Variants in DGKI observed in about 807,000 individuals in gnomAD.
DGKI encodes the protein diacylglycerol kinase iota.
DGKI carries 55 observed loss-of-function variants against 147.5 expected under a neutral mutation model. The ratio of observed to expected loss-of-function variants is 0.37; its 90% CI spans 0.30 to 0.47. The LOEUF is 0.47. Among genes scored for constraint, DGKI ranks in the 20% least tolerant of loss-of-function variants. The probability of loss-of-function intolerance (pLI) is 1.00; values close to 1 mark genes in which losing one functional copy is unlikely to be tolerated. For missense variants in DGKI, 1,007 were observed against 1,323.8 expected (o/e 0.76, Z 3.71); for synonymous variants, 469 against 477.1 (o/e 0.98, Z 0.22).
At chr7:137,638,642 G>GTATATATGTGTATATATACACATATA (rs1563126073) in intron 6 of DGKI, among the ~76,000 whole-genome samples, 1 of 3,332 alleles carries the variant, frequency 3.0e-4, no homozygotes, top group East Asian at 0.029. Flanking sequence ...GTGTATATAT[G>GTATATATGTGTATATATACACATATA]TGTATGTATA....
In DGKI at chr7:137,382,354, A is replaced by G. The variant is rs1811080072; in HGVS notation, c.*8866T>C. On this transcript the variant is annotated 3_prime_UTR_variant, in exon 33 of 33. Transcript: ENST00000614521. ...CCCTAAATATTCCTTATTTTTTTCA[A>G]ACTTTATCAGGGACCAGAACAAGTT... is the stretch of plus-strand genomic sequence containing the variant. The G allele has an allele frequency of 6.6e-6, 1 of 152,184 alleles. No homozygotes were observed. The highest frequency in any genetic ancestry group is 2.1e-4 in the South Asian group (1 of 4,826). The allele number at this position is 152,184 out of a possible 1,614,324, so 9.4% of individuals were successfully genotyped here. A position where few individuals can be genotyped will look rare whatever the true frequency, so the allele number is the denominator to read the frequency against.
At chr7:137,786,170 G>A (rs1353229390) in intron 1 of DGKI, among the ~76,000 whole-genome samples, 11 of 152,126 alleles carry the variant, frequency 7.2e-5, no homozygotes, top group Non-Finnish European at 1.6e-4. Context: ...TTGGTAAAGA[G>A]GAAGTCAAAC....
chr7:137,698,119 T>G (rs1181401146), intron 1 of DGKI, among the ~76,000 whole-genome samples: 4 of 150,334 alleles, frequency 2.7e-5, no homozygotes, highest in African/African-American at 9.8e-5. Context: ...CAGATATATA[T>G]AGATATAGAT....
chr7:137,837,733 C>T (rs1173413445), intron 1 of DGKI, among the ~76,000 whole-genome samples: 1 of 152,192 alleles, frequency 6.6e-6, no homozygotes, highest in South Asian at 2.1e-4. Flanking sequence ...TGATCTCAGA[C>T]TTCCAACCTC....
intron 1 of DGKI, among the ~76,000 whole-genome samples, chr7:137,832,624 G>A (rs1436650824): frequency 6.6e-6 from 1 of 152,224 alleles, no homozygotes; most frequent in East Asian, 1.9e-4. Flanking sequence ...CCTGTGATAG[G>A]AGGGACAGCC....
At chr7:137,650,927 G>A (rs1822003516) in intron 5 of DGKI, among the ~76,000 whole-genome samples, 1 of 152,286 alleles carries the variant, frequency 6.6e-6, no homozygotes, top group African/African-American at 2.4e-5. Flanking sequence ...CAAAGGTGGG[G>A]AATATCTTGG....
At chr7:137,460,484 T>C (rs898216343) in intron 27 of DGKI, among the ~76,000 whole-genome samples, 8 of 152,208 alleles carry the variant, frequency 5.3e-5, no homozygotes, top group African/African-American at 4.8e-5. Context: ...ATATGCATTA[T>C]ATAACACAGG....
intron 10 of DGKI, among the ~76,000 whole-genome samples, chr7:137,605,790 T>C (rs909245494): frequency 6.6e-6 from 1 of 152,142 alleles, no homozygotes; most frequent in African/African-American, 2.4e-5. Flanking sequence ...AGTAGAATGA[T>C]AGTTACCAAA....
At chr7:137,666,195 G>A (rs1159937719) in intron 3 of DGKI, among the ~76,000 whole-genome samples, 3 of 152,182 alleles carry the variant, frequency 2.0e-5, no homozygotes, top group African/African-American at 7.2e-5. Context: ...TTATGTTAGT[G>A]GATTTAATAC....
At chr7:137,622,307 T>C (rs1370938746) in intron 7 of DGKI, among the ~76,000 whole-genome samples, 2 of 152,232 alleles carry the variant, frequency 1.3e-5, no homozygotes, top group Non-Finnish European at 2.9e-5. Context: ...TCCAGCCCCA[T>C]GGCCTGTGTG....
At chr7:137,746,953 A>C (rs1476376607) in intron 1 of DGKI, among the ~76,000 whole-genome samples, 4 of 152,180 alleles carry the variant, frequency 2.6e-5, no homozygotes, top group African/African-American at 4.8e-5. Flanking sequence ...AGAATGGGGA[A>C]ACCTAAAAGA....
chr7:137,699,415 T>A (rs997443136), intron 1 of DGKI, among the ~76,000 whole-genome samples: 4 of 152,242 alleles, frequency 2.6e-5, no homozygotes, highest in Admixed American at 6.5e-5. Context: ...TGGAAATGCC[T>A]CCTTTGTCTC....
chr7:137,834,124 C>T (rs1209623587), intron 1 of DGKI, among the ~76,000 whole-genome samples: 1 of 152,178 alleles, frequency 6.6e-6, no homozygotes, highest in Admixed American at 6.5e-5. Context: ...AAGCACTTCA[C>T]AGTTCTTGGC....
intron 1 of DGKI, among the ~76,000 whole-genome samples, chr7:137,832,581 C>T (rs1479106384): frequency 6.6e-6 from 1 of 152,242 alleles, no homozygotes; most frequent in Non-Finnish European, 1.5e-5. Context: ...GGGCTCAGCC[C>T]ATGAAACCAT....
intron 21 of DGKI, among the ~76,000 whole-genome samples, chr7:137,506,559 A>G (rs1816374915): frequency 6.6e-6 from 1 of 152,212 alleles, no homozygotes; most frequent in South Asian, 2.1e-4. Flanking sequence ...CCATAGAATT[A>G]TATGGCAAAA....
intron 6 of DGKI, among the ~76,000 whole-genome samples, chr7:137,641,725 T>C (rs1821633788): frequency 6.6e-6 from 1 of 152,252 alleles, no homozygotes; most frequent in Non-Finnish European, 1.5e-5. Flanking sequence ...TATACTGCAT[T>C]TAAAACTGGC....
Position 137,778,799 on chromosome 7 carries a change from T to C in DGKI, c.401+67663A>G, listed in dbSNP as rs1289662714. On this transcript the variant is annotated intron_variant, in intron 1 of 32. Transcript: ENST00000614521. ...TACTTGATCAAAGTATCAGATAACTTAGGGGAAGGCAAAACTGCAGAAAGT... is the reference window on the plus strand; with the variant it reads ...TACTTGATCAAAGTATCAGATAACTCAGGGGAAGGCAAAACTGCAGAAAGT... 2.6e-5 allele frequency among the ~76,000 whole-genome samples: 4 copies of C among 152,100 alleles called. No individual in the cohort carries two copies. In the East Asian group the frequency reaches 7.7e-4, roughly 29 times the overall value.
chr7:137,481,603 A>G (rs764077347), intron 23 of DGKI, among the ~76,000 whole-genome samples: 6 of 152,104 alleles, frequency 3.9e-5, no homozygotes, highest in Non-Finnish European at 5.9e-5. Flanking sequence ...ATAACCCATA[A>G]TACCTTGTTA....
At chr7:137,449,841 A>T (rs1813881248) in intron 27 of DGKI, among the ~76,000 whole-genome samples, 1 of 152,248 alleles carries the variant, frequency 6.6e-6, no homozygotes, top group Admixed American at 6.5e-5. Context: ...TCCCACATTT[A>T]TTACAGCACA....
Sources: allele counts gnomAD v4.1 joint callset (sites outside exome capture counted in the v4.1 genomes callset), GRCh38; gene constraint gnomAD v4.1.1; transcripts MANE v1.5; gene names NCBI Gene and HGNC (gene_info 2026-07-23, HGNC 2026-07-21).